Variants in COL22A1 observed in about 807,000 individuals in gnomAD.
COL22A1 encodes collagen alpha-1(XXII) chain.
Under a neutral mutation model 248.9 loss-of-function variants are expected in COL22A1, and 221 were observed. That is an observed-to-expected ratio of 0.89 (90% CI 0.80 to 0.99). The LOEUF is 0.99. Ranked by LOEUF, COL22A1 falls within the 50% of genes least tolerant of loss-of-function variation. The pLI is 0.00. For missense variants in COL22A1, 2,240 were observed against 2,179.0 expected, an observed-to-expected ratio of 1.03 and a Z score of -0.56; for synonymous variants, 891 against 793.4, an observed-to-expected ratio of 1.12 and a Z score of -2.07.
intron 53 of COL22A1, among the ~76,000 whole-genome samples, chr8:138,619,052 T>C (rs979270148): frequency 2.4e-4 from 36 of 152,320 alleles, no homozygotes; most frequent in African/African-American, 8.2e-4. Context: ...CTTTTTCTTA[T>C]TATTACCATC....
At chr8:138,712,844 G>T (rs1013097480) in intron 30 of COL22A1, among the ~76,000 whole-genome samples, 6 of 151,150 alleles carry the variant, frequency 4.0e-5, no homozygotes, top group African/African-American at 1.2e-4. Flanking sequence ...AGAGGGTAAG[G>T]GTTCTACCAG....
intron 3 of COL22A1, among the ~76,000 whole-genome samples, chr8:138,874,594 G>A (rs7011683): frequency 0.44 from 66,981 of 152,016 alleles, 15,758 homozygotes; most frequent in East Asian, 0.85. Flanking sequence ...TCTCCTCCCC[G>A]GTTTGCAGGC....
intron 41 of COL22A1, among the ~76,000 whole-genome samples, chr8:138,667,853 C>G (rs1425297125): frequency 2.0e-5 from 3 of 152,028 alleles, no homozygotes; most frequent in South Asian, 2.1e-4. Flanking sequence ...ATGAACACCC[C>G]ACCTGTGAAG....
chr8:138,734,676 T>C (rs1215688975), intron 23 of COL22A1, among the ~76,000 whole-genome samples: 2 of 152,198 alleles, frequency 1.3e-5, no homozygotes, highest in Admixed American at 6.5e-5. Flanking sequence ...CATTACTGGG[T>C]ATATACCCAA....
chr8:138,795,819 G>A (rs1399433135), intron 12 of COL22A1, among the ~76,000 whole-genome samples: 2 of 152,134 alleles, frequency 1.3e-5, no homozygotes, highest in East Asian at 3.9e-4. Context: ...AGATGTGTAA[G>A]AGTGCCTACA....
chr8:138,813,732 C>T (rs1262687127), intron 7 of COL22A1, among the ~76,000 whole-genome samples: 1 of 150,868 alleles, frequency 6.6e-6, no homozygotes, highest in African/African-American at 2.4e-5. Flanking sequence ...TAAAGTCCAG[C>T]GTTTTGTTCT....
chr8:138,724,670 T>C lies in COL22A1; in HGVS notation c.2194-2A>G, dbSNP rs1830164424. 1 of 1,614,048 alleles carries C rather than the reference T, an allele frequency of 6.2e-7. No homozygotes were observed. Among genetic ancestry groups the C allele is most frequent in the Non-Finnish European group, 8.5e-7 (1 of 1,179,890 alleles). On this transcript the variant is annotated splice_acceptor_variant, in intron 24 of 64. Coordinates refer to ENST00000303045, the MANE Select transcript of COL22A1 (RefSeq NM_152888.3). LOFTEE classifies it high-confidence loss of function. ...GAAGCCGATCTCTCCAGGCAAACCC[T>C]GAAAGGGGACCACATGGACCCTGTT...
Position 138,687,805 on chromosome 8 carries a change from C to T in COL22A1, c.2862+1112G>A, listed in dbSNP as rs1826481580. ...GTTTCTCAACCTTGGCACTATTGAC[C>T]TTCAGGGAGGATCGTTCTTATAAGG... On this transcript the variant is annotated intron_variant, in intron 37 of 64. Transcript: ENST00000303045. 2.0e-5 allele frequency among the ~76,000 whole-genome samples: 3 copies of T among 152,218 alleles called. No homozygotes were observed. The South Asian group carries it at 6.2e-4, about 32-fold the overall frequency.
At chr8:138,822,091 C>A (rs1488718907) in intron 6 of COL22A1, among the ~76,000 whole-genome samples, 2 of 152,168 alleles carry the variant, frequency 1.3e-5, no homozygotes, top group African/African-American at 4.8e-5. Context: ...GTTGCCCAGG[C>A]TGGAGTGCAG....
intron 5 of COL22A1, 55 bp from the exon 6 acceptor site, chr8:138,826,836 G>A: frequency 6.3e-7 from 1 of 1,599,600 alleles, no homozygotes. Context: ...CAGGGAGCCA[G>A]CAAAGTGAGC....
chr8:138,675,289 GA>G (rs1564178381), intron 41 of COL22A1, among the ~76,000 whole-genome samples: 1 of 152,200 alleles, frequency 6.6e-6, no homozygotes, highest in Non-Finnish European at 1.5e-5. Context: ...AGAAGAAAAG[GA>G]AAGGGGGATT....
At chr8:138,718,226 C>T (rs1647103411) in intron 27 of COL22A1, among the ~76,000 whole-genome samples, 1 of 152,196 alleles carries the variant, frequency 6.6e-6, no homozygotes, top group African/African-American at 2.4e-5. Flanking sequence ...AAATTCTAGA[C>T]ACACTCCGAT....
At chr8:138,697,860 G>A (rs1011238537) in intron 32 of COL22A1, among the ~76,000 whole-genome samples, 2 of 152,206 alleles carry the variant, frequency 1.3e-5, no homozygotes, top group Admixed American at 1.3e-4. Context: ...AGCCAGTCCC[G>A]GGGAGACTCA....
chr8:138,786,436 C>G (rs542654641), intron 12 of COL22A1, among the ~76,000 whole-genome samples: 63 of 152,288 alleles, frequency 4.1e-4, no homozygotes, highest in Non-Finnish European at 8.2e-4. Context: ...AGAATGATTC[C>G]TGCCCTATGA....
intron 14 of COL22A1, 77 bp from the exon 15 acceptor site, chr8:138,778,483 C>A: frequency 7.5e-7 from 1 of 1,342,068 alleles, no homozygotes; most frequent in South Asian, 1.5e-5. Context: ...CTCAGCCAGT[C>A]CCACGTTTGG....
intron 22 of COL22A1, among the ~76,000 whole-genome samples, chr8:138,743,624 A>T (rs371876033): frequency 6.6e-6 from 1 of 152,164 alleles, no homozygotes; most frequent in South Asian, 2.1e-4. Flanking sequence ...CAAAGATTTG[A>T]GAAGTGCTAG....
chr8:138,613,338 G>T (rs1409581793), intron 56 of COL22A1, among the ~76,000 whole-genome samples: 1 of 152,106 alleles, frequency 6.6e-6, no homozygotes, highest in African/African-American at 2.4e-5. Flanking sequence ...AGGCCAGGGT[G>T]GTGCCCCACA....
At chr8:138,783,718 A>G (rs1586735931) in intron 12 of COL22A1, among the ~76,000 whole-genome samples, 1 of 152,318 alleles carries the variant, frequency 6.6e-6, no homozygotes, top group East Asian at 1.9e-4. Flanking sequence ...TGTTTTAAGT[A>G]TTAAAATCCT....
chr8:138,615,303 G>C (rs1034964833), intron 55 of COL22A1, among the ~76,000 whole-genome samples: 1 of 152,192 alleles, frequency 6.6e-6, no homozygotes, highest in Non-Finnish European at 1.5e-5. Context: ...GACCGAGGCA[G>C]GTGGATCACC....
Sources: allele counts gnomAD v4.1 joint callset (sites outside exome capture counted in the v4.1 genomes callset), GRCh38; gene constraint gnomAD v4.1.1; transcripts MANE v1.5; gene names NCBI Gene and HGNC (gene_info 2026-07-23, HGNC 2026-07-21).